Variants in SEMA3D observed in about 807,000 individuals in gnomAD.
The protein encoded by SEMA3D is semaphorin-3D.
Under a neutral mutation model 100.1 loss-of-function variants are expected in SEMA3D, and 84 were observed. That is an observed-to-expected ratio of 0.84 (90% CI 0.70 to 1.01). SEMA3D has a LOEUF of 1.01. SEMA3D is among the 50% of genes least tolerant of loss of function. The pLI is 0.00. For missense variants in SEMA3D, 875 were observed against 934.1 expected (o/e 0.94, Z 0.82); for synonymous variants, 312 against 320.7 (o/e 0.97, Z 0.29).
intron 4 of SEMA3D, among the ~76,000 whole-genome samples, chr7:85,083,919 AG>A: frequency 6.7e-6 from 1 of 148,904 alleles, no homozygotes; most frequent in African/African-American, 2.5e-5. Context: ...AGGCTGAGGC[AG>A]GCAGATCACG....
At chr7:85,137,525 G>A (rs972798197) in intron 2 of SEMA3D, among the ~76,000 whole-genome samples, 5 of 151,778 alleles carry the variant, frequency 3.3e-5, no homozygotes, top group South Asian at 2.1e-4. Flanking sequence ...TTTTACCTAC[G>A]ATTAATTTTT....
intron 3 of SEMA3D, among the ~76,000 whole-genome samples, chr7:85,098,840 C>G (rs1788653357): frequency 2.6e-5 from 4 of 151,834 alleles, no homozygotes; most frequent in Admixed American, 1.3e-4. Flanking sequence ...CATCCTTCTC[C>G]CCCACCCCTC....
chr7:85,169,964 A>T (rs1014289379), intron 1 of SEMA3D, among the ~76,000 whole-genome samples: 2 of 150,470 alleles, frequency 1.3e-5, no homozygotes, highest in Middle Eastern at 3.4e-3. Flanking sequence ...ATGTGAAAAT[A>T]AAAAAAAGTT....
At chr7:85,242,010 T>C in the SEMA3D span, among the ~76,000 whole-genome samples, 1 of 151,878 alleles carries the variant, frequency 6.6e-6, no homozygotes, top group African/African-American at 2.4e-5. Flanking sequence ...GTTTGGAGGT[T>C]CCTCAAAAAC....
At chr7:85,028,121 T>C (rs1790442281) in intron 12 of SEMA3D, 1 of 640,522 alleles carries the variant, frequency 1.6e-6, no homozygotes, top group South Asian at 1.5e-5. Flanking sequence ...TAAATGATGC[T>C]GGCAGGCCCA....
At chr7:85,082,578 A>G (rs1203175605) in intron 4 of SEMA3D, among the ~76,000 whole-genome samples, 1 of 152,194 alleles carries the variant, frequency 6.6e-6, no homozygotes, top group African/African-American at 2.4e-5. Flanking sequence ...CACCAATGGT[A>G]GCAGAAAATA....
At chr7:85,059,029 T>C (rs1464879144) in intron 8 of SEMA3D, among the ~76,000 whole-genome samples, 1 of 152,168 alleles carries the variant, frequency 6.6e-6, no homozygotes, top group African/African-American at 2.4e-5. Context: ...ATTTTTCCAC[T>C]GACTTGATAT....
At chr7:85,246,760 G>A in the SEMA3D span, among the ~76,000 whole-genome samples, 2 of 151,712 alleles carry the variant, frequency 1.3e-5, no homozygotes, top group Admixed American at 6.6e-5. Context: ...CCACTCTTTG[G>A]TAGGTAACCT....
chr7:85,201,925 G>T, the SEMA3D span, among the ~76,000 whole-genome samples: 1 of 151,770 alleles, frequency 6.6e-6, no homozygotes, highest in Non-Finnish European at 1.5e-5. Flanking sequence ...TCACTGTGTT[G>T]CCCAGACTGG....
At chr7:85,001,489 T>G (rs1484012316) in intron 18 of SEMA3D, among the ~76,000 whole-genome samples, 1 of 152,222 alleles carries the variant, frequency 6.6e-6, no homozygotes, top group Non-Finnish European at 1.5e-5. Flanking sequence ...ATGGCCAATC[T>G]TAAACATAAC....
At position 85,056,869 on chromosome 7, in the gene SEMA3D, T is replaced by G. The variant is rs576065263; in HGVS notation, c.719-1010A>C. On this transcript the variant is annotated intron_variant, in intron 8 of 18. Coordinates refer to ENST00000284136, the MANE Select transcript of SEMA3D (RefSeq NM_001384900.1). ...CACCTCATTGATGTCATACTGAAAT[T>G]TATATAGCATACATATACAGCATAT... 2.1e-4 allele frequency among the ~76,000 whole-genome samples: 28 copies of G among 134,544 alleles called. No homozygotes were observed. The South Asian group carries it at 6.7e-3, about 32-fold the overall frequency. 88.3% of individuals were successfully genotyped at this position (134,544 alleles called of 152,430 possible). A position where few individuals can be genotyped will look rare whatever the true frequency, so the allele number is the denominator to read the frequency against.
At chr7:85,031,078 A>G (rs1446773308) in intron 12 of SEMA3D, among the ~76,000 whole-genome samples, 1 of 152,036 alleles carries the variant, frequency 6.6e-6, no homozygotes, top group Non-Finnish European at 1.5e-5. Flanking sequence ...AGGCTTATTA[A>G]CATTGCAGAG....
At chr7:85,139,385 T>TG (rs1253434700) in intron 2 of SEMA3D, among the ~76,000 whole-genome samples, 19 of 152,118 alleles carry the variant, frequency 1.2e-4, no homozygotes, top group Non-Finnish European at 7.4e-5. Flanking sequence ...GTAGCAAAAA[T>TG]ATCGTTATTC....
the SEMA3D span, among the ~76,000 whole-genome samples, chr7:85,221,239 C>A: frequency 2.8e-4 from 43 of 152,086 alleles, 1 homozygote; most frequent in South Asian, 8.7e-3. Flanking sequence ...AAGTAAAAAG[C>A]AACTCAGTAA....
At chr7:85,086,481 T>G (rs1029366448) in intron 4 of SEMA3D, among the ~76,000 whole-genome samples, 1 of 152,104 alleles carries the variant, frequency 6.6e-6, no homozygotes, top group Non-Finnish European at 1.5e-5. Flanking sequence ...GGCAAAATTT[T>G]CAATAATCTT....
At chr7:85,235,907 C>T in the SEMA3D span, among the ~76,000 whole-genome samples, 1 of 152,102 alleles carries the variant, frequency 6.6e-6, no homozygotes, top group Admixed American at 6.5e-5. Flanking sequence ...ACAGAAACAT[C>T]CTAATTTCTT....
At chr7:85,195,847 A>T in the SEMA3D span, among the ~76,000 whole-genome samples, 94 of 152,318 alleles carry the variant, frequency 6.2e-4, no homozygotes, top group Non-Finnish European at 6.9e-4. Flanking sequence ...CTAGGCATTT[A>T]AAAAAGTCTA....
chr7:85,215,993 G>A, the SEMA3D span, among the ~76,000 whole-genome samples: 1 of 151,900 alleles, frequency 6.6e-6, no homozygotes, highest in East Asian at 1.9e-4. Context: ...TTTTCATCTG[G>A]AAAATATTGG....
chr7:85,066,937 GA>G, intron 7 of SEMA3D, among the ~76,000 whole-genome samples: 1 of 148,882 alleles, frequency 6.7e-6, no homozygotes, highest in Non-Finnish European at 1.5e-5. Context: ...GAGAGAGAGA[GA>G]GAGAGAGAAC....
Sources: gnomAD v4.1 joint callset for allele counts (sites outside exome capture counted in the v4.1 genomes callset) on GRCh38, gnomAD v4.1.1 for gene constraint, MANE v1.5 for transcripts, NCBI Gene and HGNC (gene_info 2026-07-23, HGNC 2026-07-21) for gene names.